The following CD163 variants were observed in gnomAD, a reference collection of about 807,000 sequenced individuals.
The protein encoded by CD163 is scavenger receptor cysteine-rich type 1 protein M130.
A neutral mutation model predicts 129.2 loss-of-function variants in CD163; 64 were observed. The ratio of observed to expected loss-of-function variants is 0.50; its 90% confidence interval spans 0.41 to 0.61. The LOEUF (loss-of-function observed/expected upper bound fraction) is 0.61. Among genes scored for constraint, CD163 ranks in the 20% least tolerant of loss-of-function variants. CD163 has a pLI of 0.00. For synonymous variants in CD163, 446 were observed against 478.5 expected, an observed-to-expected ratio of 0.93 and a Z score of 0.89; for missense variants, 1,061 against 1,377.9, an observed-to-expected ratio of 0.77 and a Z score of 3.64.
Position 7,487,884 on chromosome 12 carries a change from C to G in CD163, c.1624G>C (p.Ala542Pro), listed in dbSNP as rs752362269. The change falls in exon 7 of 17, where the codon GCT becomes CCT. Residue 542 changes from alanine to proline, a missense_variant. Ala to Pro is a conservative substitution (Grantham distance 27). Transcript: ENST00000432237. The surrounding 1 kb of genome is among the most constrained non-coding windows in gnomAD (Gnocchi z 5.1). ...HFGEGNGQIW[A>P]EEFQCEGHES... ...TGTCCCTCACACTGGAATTCTTCAG[C>G]CCAGATCTGTCCATTTCCCTCTCCA... 1 of 1,614,036 alleles carries G rather than the reference C, an allele frequency of 6.2e-7. No homozygotes were observed.
At position 7,495,172 on chromosome 12, in the gene CD163, G is replaced by C. The variant is rs138827971; in HGVS notation, c.1329C>G (p.Asn443Lys). 9.3e-6 allele frequency: 15 copies of C among 1,614,090 alleles called. No homozygotes were observed. The South Asian group carries it at 1.6e-4, about 18-fold the overall frequency. ...TNTWLFLSSC[N>K]GNETSLWDCK... ...AGTCCCAAAGAGAAGTTTCATTTCC[G>C]TTACAGCTACTTAGAAACAGCCATG... The change falls in exon 6 of 17, where the codon AAC (asparagine) becomes AAG (lysine). Residue 443 changes from asparagine (N) to lysine (K), a missense_variant. Physicochemically the swap from Asn to Lys is moderately conservative, Grantham distance 94 (BLOSUM62 0). Transcript: ENST00000432237.
chr12:7,484,412 G>A (rs12810262), intron 11 of CD163, among the ~76,000 whole-genome samples: 90,230 of 151,912 alleles, frequency 0.59, 31,463 homozygotes, highest in Non-Finnish European at 0.77. Flanking sequence ...GGCCAAGGCG[G>A]GTGGATCACC....
rs1297675315 is a variant in CD163, at chr12:7,502,529, T to C, written c.82A>G (p.Thr28Ala). 5 of 1,602,540 alleles carry C rather than the reference T, an allele frequency of 3.1e-6. No individual in the cohort carries two copies. Among genetic ancestry groups the C allele is most frequent in the South Asian group, 2.2e-5 (2 of 90,254 alleles). Reference sequence around the variant, plus strand: ...CTGAGAAGTAAGACCACAGTAATGGTGAAGGGACTCAAGTTGACAAAATGT... The same window carrying C: ...CTGAGAAGTAAGACCACAGTAATGGCGAAGGGACTCAAGTTGACAAAATGT... ...RRHFVNLSPF[T>A]ITVVLLLSAC... Residue 28 changes from threonine to alanine, a missense_variant, in exon 2 of 17, where the codon ACC becomes GCC. Thr to Ala is a moderately conservative substitution (Grantham distance 58). Coordinates refer to ENST00000432237, the MANE Select transcript of CD163 (RefSeq NM_203416.4).
rs1349108708 is a variant in CD163 at position 7,496,970 on chromosome 12, T to C, written c.942A>G (p.Thr314=). The C allele has an allele frequency of 1.2e-6, 2 of 1,614,072 alleles. No individual in the cohort carries two copies. Among genetic ancestry groups the C allele is most frequent in the Non-Finnish European group, 1.7e-6 (2 of 1,179,988 alleles). ...CKQLGCPTAV[T]AIGRVNASKG... is the part of the protein sequence containing the mutation. ...TACTGGCGTTAACTCGACCAATGGC[T>C]GTGACGGCAGTTGGACATCCCAGTT... The change falls in exon 5 of 17, where the codon ACA becomes ACG. Residue 314 remains threonine, a synonymous_variant. Transcript: ENST00000432237. This position sits in a 1 kb window ranked among gnomAD's most constrained non-coding sequence, Gnocchi z 4.8.
chr12:7,477,654 C>T (rs896750723), intron 16 of CD163, among the ~76,000 whole-genome samples: 1 of 151,988 alleles, frequency 6.6e-6, no homozygotes, highest in Non-Finnish European at 1.5e-5. Context: ...GGGCTTAAAA[C>T]CTAGATGGCG....
chr12:7,490,718 C>T (rs1054137017), intron 6 of CD163, among the ~76,000 whole-genome samples: 7 of 151,882 alleles, frequency 4.6e-5, no homozygotes, highest in African/African-American at 1.7e-4. Context: ...GAAAATGTTT[C>T]GAATATGACC....
intron 14 of CD163, 76 bp downstream of exon 14, chr12:7,482,567 T>G: frequency 6.6e-7 from 1 of 1,510,404 alleles, no homozygotes; most frequent in East Asian, 2.3e-5. Context: ...GCCATTAGAC[T>G]TGAGTCTAAT....
chr12:7,474,134 G>A (rs986006687), intron 16 of CD163, among the ~76,000 whole-genome samples: 1 of 152,068 alleles, frequency 6.6e-6, no homozygotes, highest in Admixed American at 6.6e-5. Context: ...AGTAGTGGGA[G>A]ACTTTAAAAC....
intron 6 of CD163, among the ~76,000 whole-genome samples, chr12:7,490,631 A>G (rs918542295): frequency 1.3e-5 from 2 of 151,988 alleles, no homozygotes; most frequent in African/African-American, 4.8e-5. Context: ...TAGATACACC[A>G]TCAGCCCTTG....
At chr12:7,488,807 A>G (rs1949291429) in intron 6 of CD163, among the ~76,000 whole-genome samples, 1 of 152,186 alleles carries the variant, frequency 6.6e-6, no homozygotes, top group Non-Finnish European at 1.5e-5. Context: ...TGAATGAATT[A>G]TTGTATGACA....
At chr12:7,479,742 AC>A in intron 16 of CD163, 117 bp downstream of exon 16, 1 of 1,004,742 alleles carries the variant, frequency 1.0e-6, no homozygotes, top group Admixed American at 2.7e-5. Context: ...AAACATATGC[AC>A]ATAAGCAAAT....
chr12:7,497,888 C>A (rs1949423984), intron 4 of CD163, among the ~76,000 whole-genome samples: 1 of 152,144 alleles, frequency 6.6e-6, no homozygotes, highest in Non-Finnish European at 1.5e-5. Context: ...CTTAACCTAA[C>A]AAAATCTATC....
rs922000226 is a variant in CD163 at position 7,471,182 on chromosome 12, A to C, written c.*247T>G. 4 of 152,258 alleles carry C rather than the reference A, an allele frequency of 2.6e-5. No individual in the cohort carries two copies. The highest frequency in any genetic ancestry group is 4.4e-5 in the Non-Finnish European group (3 of 68,010). 9.4% of individuals were successfully genotyped at this position (152,258 alleles called of 1,614,324 possible). On this transcript the variant is annotated 3_prime_UTR_variant, in exon 17 of 17. Coordinates refer to ENST00000432237, the MANE Select transcript of CD163 (RefSeq NM_203416.4). ...TAATTAAAGCAAACTCAAATCAATA[A>C]CATTCTTATTTATTTATTTAATTCC...
intron 3 of CD163, among the ~76,000 whole-genome samples, chr12:7,500,685 G>A (rs1212299656): frequency 6.6e-6 from 1 of 152,152 alleles, no homozygotes; most frequent in Non-Finnish European, 1.5e-5. Context: ...AAGAAATGAT[G>A]TATTAATGCT....
chr12:7,485,083 G>T lies in CD163; in HGVS notation c.2779+13C>A. On this transcript the variant is annotated intron_variant, in intron 11 of 16. Coordinates refer to ENST00000432237, the MANE Select transcript of CD163 (RefSeq NM_203416.4). The surrounding 1 kb of genome is among the most constrained non-coding windows in gnomAD (Gnocchi z 4.5). Reference sequence around the variant, plus strand: ...GCAGAATGGAATTTTCATATAGGTCGATGGATACTCACTGTCACATGTGAT... The same window carrying T: ...GCAGAATGGAATTTTCATATAGGTCTATGGATACTCACTGTCACATGTGAT... The T allele has an allele frequency of 6.3e-7, 1 of 1,578,456 alleles. No individual in the cohort carries two copies. The highest frequency in any genetic ancestry group is 8.6e-7 in the Non-Finnish European group (1 of 1,160,638).
Position 7,486,742 on chromosome 12 carries a change from A to G in CD163, c.2215T>C (p.Ser739Pro). The G allele has an allele frequency of 6.2e-7, 1 of 1,614,212 alleles. No individual in the cohort carries two copies. The highest frequency in any genetic ancestry group is 8.5e-7 in the Non-Finnish European group (1 of 1,180,024). Residue 739 changes from serine (S) to proline (P), a missense_variant, in exon 10 of 17, where the codon TCC becomes CCC. Ser to Pro is a moderately conservative substitution (Grantham distance 74). Coordinates refer to ENST00000432237, the MANE Select transcript of CD163 (RefSeq NM_203416.4). ...CTGTCATCACAGATGGTGCCCCAGG[A>G]GCCCTCATGATAGATCTCTACTCTC... ...AGRVEIYHEG[S>P]WGTICDDSWD...
intron 16 of CD163, 90 bp downstream of exon 16, chr12:7,479,770 C>A (rs537757208): frequency 8.5e-5 from 114 of 1,337,014 alleles, no homozygotes; most frequent in Non-Finnish European, 1.1e-4. Context: ...TGTTTATATA[C>A]ATTCTTTCTT....
At chr12:7,484,814 T>C (rs1039204809) in intron 11 of CD163, among the ~76,000 whole-genome samples, 2 of 152,110 alleles carry the variant, frequency 1.3e-5, no homozygotes, top group African/African-American at 4.8e-5. Flanking sequence ...TCTCTCCTCC[T>C]CAGAGAAAGC....
chr12:7,481,316 A>T, intron 14 of CD163, 60 bp from the exon 15 acceptor site: 1 of 1,349,246 alleles, frequency 7.4e-7, no homozygotes, highest in South Asian at 1.2e-5. Flanking sequence ...CCCTTGCTGT[A>T]AGTGTGTTTT....
Sources: allele counts gnomAD v4.1 joint callset (sites outside exome capture counted in the v4.1 genomes callset), GRCh38; gene constraint gnomAD v4.1.1; non-coding constraint Gnocchi (gnomAD v3.1); transcripts MANE v1.5; gene names NCBI Gene and HGNC (gene_info 2026-07-23, HGNC 2026-07-21).